DPEP1: variants seen among roughly 807,000 people sequenced by gnomAD.
DPEP1 encodes the protein dipeptidase 1.
Under a neutral mutation model 42.3 loss-of-function variants are expected in DPEP1, and 50 were observed. The observed-to-expected ratio is 1.18, with a 90% CI of 0.94 to 1.50. The LOEUF (loss-of-function observed/expected upper bound fraction) is 1.50. DPEP1 is among the 40% of genes most tolerant of loss of function. The pLI is 0.00. For synonymous variants in DPEP1, 297 were observed against 234.0 expected, an observed-to-expected ratio of 1.27 and a Z score of -2.46; for missense variants, 663 against 553.0, an observed-to-expected ratio of 1.20 and a Z score of -1.99.
rs563347279 is a variant in DPEP1, at chr16:89,638,261, CTCCGG to C, written c.*40_*44del. 6,130 of 1,504,096 alleles carry C rather than the reference CTCCGG, an allele frequency of 4.1e-3. 25 individuals are homozygous for C. The highest frequency in any genetic ancestry group is 4.7e-3 in the Non-Finnish European group (5,248 of 1,128,518). The allele number at this position is 1,504,096 out of a possible 1,614,324, so 93.2% of individuals were successfully genotyped here. On this transcript the variant is annotated 3_prime_UTR_variant, in exon 11 of 11. Coordinates refer to ENST00000690203, the MANE Select transcript of DPEP1 (RefSeq NM_001389466.1). ...AGAGTCCCCTTTAGGGTTCCCGGAG[CTCCGG>C]GAAGACCCGCCCATCCCAGGACTCC...
At chr16:89,627,116 G>GAA (rs200392484) in intron 1 of DPEP1, among the ~76,000 whole-genome samples, 2 of 150,852 alleles carry the variant, frequency 1.3e-5, no homozygotes, top group East Asian at 4.0e-4. Context: ...AGAAAAAAAA[G>GAA]AAAAAAATTA....
intron 2 of DPEP1, among the ~76,000 whole-genome samples, chr16:89,634,083 C>CCTCCT (rs1202231409): frequency 8.8e-6 from 1 of 113,250 alleles, no homozygotes; most frequent in Non-Finnish European, 2.0e-5. Context: ...CTTTTCTCTT[C>CCTCCT]TCTTCTTCTT....
intron 2 of DPEP1, among the ~76,000 whole-genome samples, chr16:89,631,002 C>T (rs1317809305): frequency 3.9e-5 from 6 of 152,112 alleles, no homozygotes; most frequent in African/African-American, 1.4e-4. Context: ...GGCCACACTC[C>T]CTGGTCCCGA....
At chr16:89,633,239 G>C (rs573446230) in intron 2 of DPEP1, among the ~76,000 whole-genome samples, 27 of 152,214 alleles carry the variant, frequency 1.8e-4, no homozygotes, top group Non-Finnish European at 3.4e-4. Context: ...ACTCTGCTCC[G>C]AGGGCTGGGG....
intron 1 of DPEP1, among the ~76,000 whole-genome samples, chr16:89,627,000 A>G (rs1285197869): frequency 4.7e-5 from 7 of 149,656 alleles, no homozygotes; most frequent in Admixed American, 2.7e-4. Context: ...GGTGGCTCAC[A>G]CCTGTAATCC....
chr16:89,628,948 T>G (rs1301190876), intron 1 of DPEP1, among the ~76,000 whole-genome samples: 3 of 152,022 alleles, frequency 2.0e-5, no homozygotes, highest in African/African-American at 7.2e-5. Context: ...TGCCTCAGCC[T>G]CCTGAGTAGC....
chr16:89,613,403 A>T (rs934274741), upstream of DPEP1: 2 of 152,208 alleles, frequency 1.3e-5, no homozygotes, highest in East Asian at 3.9e-4. Flanking sequence ...GCCTTGGGGG[A>T]GGTCAGGACG....
intron 1 of DPEP1, among the ~76,000 whole-genome samples, chr16:89,614,533 G>A (rs527968779): frequency 3.9e-5 from 6 of 152,336 alleles, no homozygotes; most frequent in East Asian, 1.9e-4. Context: ...GGTGGCTCAC[G>A]CCTGTAATCC....
intron 1 of DPEP1, among the ~76,000 whole-genome samples, chr16:89,625,486 A>G (rs1020551903): frequency 1.3e-5 from 2 of 152,228 alleles, no homozygotes; most frequent in African/African-American, 4.8e-5. Context: ...CTGGACAAAC[A>G]TTCAAACTCT....
At chr16:89,632,773 G>C (rs1038440946) in intron 2 of DPEP1, among the ~76,000 whole-genome samples, 1 of 152,132 alleles carries the variant, frequency 6.6e-6, no homozygotes, top group Non-Finnish European at 1.5e-5. Flanking sequence ...AGTGGAGAGG[G>C]CTGGCGGGGC....
At chr16:89,625,455 G>A (rs1471658009) in intron 1 of DPEP1, among the ~76,000 whole-genome samples, 1 of 152,168 alleles carries the variant, frequency 6.6e-6, no homozygotes, top group Non-Finnish European at 1.5e-5. Flanking sequence ...TCCCAACTGG[G>A]ATCCAGTTTC....
At chr16:89,629,220 C>A (rs1019209409) in intron 1 of DPEP1, among the ~76,000 whole-genome samples, 1 of 152,096 alleles carries the variant, frequency 6.6e-6, no homozygotes, top group Non-Finnish European at 1.5e-5. Flanking sequence ...TTATCATGAC[C>A]TGGGCATGGT....
chr16:89,638,404 G>A lies in DPEP1; in HGVS notation c.*182G>A, dbSNP rs2059712626. On this transcript the variant is annotated 3_prime_UTR_variant, in exon 11 of 11. Transcript: ENST00000690203. ...GACAGTTCAGGACACACACACAGTA[G>A]GCCCGCAATAAAAGCAACACCCCTT... The A allele has an allele frequency of 5.2e-6, 7 of 1,358,960 alleles. No individual in the cohort carries two copies. The highest frequency in any genetic ancestry group is 6.6e-6 in the Non-Finnish European group (7 of 1,061,780). 84.2% of individuals were successfully genotyped at this position (1,358,960 alleles called of 1,614,324 possible). A position where few individuals can be genotyped will look rare whatever the true frequency, so the allele number is the denominator to read the frequency against.
intron 1 of DPEP1, among the ~76,000 whole-genome samples, chr16:89,625,054 C>T (rs1179526213): frequency 6.6e-6 from 1 of 152,122 alleles, no homozygotes; most frequent in Admixed American, 6.5e-5. Flanking sequence ...GGGGCTCTTC[C>T]TCAGGGTGTA....
intron 1 of DPEP1, among the ~76,000 whole-genome samples, chr16:89,624,777 C>A (rs1001385586): frequency 6.6e-6 from 1 of 152,134 alleles, no homozygotes; most frequent in Non-Finnish European, 1.5e-5. Context: ...TCAGGTGATA[C>A]ACCCGCCGCA....
Position 89,636,892 on chromosome 16 carries a change from G to A in DPEP1, c.548G>A (p.Gly183Glu). ...PWADNWLVDT[G>E]DSEPQSQGLS... ...GCTGACAACTGGCTGGTGGACACGG[G>A]AGACAGCGAGCCCCAGAGCCAAGGC... Residue 183 changes from glycine to glutamate, a missense_variant, in exon 6 of 11, where the codon GGA becomes GAA. By Grantham distance (98) the Gly-to-Glu change is moderately conservative. Coordinates refer to ENST00000690203, the MANE Select transcript of DPEP1 (RefSeq NM_001389466.1). 1 of 1,612,564 alleles carries A rather than the reference G, an allele frequency of 6.2e-7. No homozygotes were observed. Among genetic ancestry groups the A allele is most frequent in the Non-Finnish European group, 8.5e-7 (1 of 1,179,942 alleles).
chr16:89,621,299 G>A (rs1487645007), intron 1 of DPEP1, among the ~76,000 whole-genome samples: 6 of 151,910 alleles, frequency 3.9e-5, no homozygotes, highest in African/African-American at 7.3e-5. Context: ...GCAACCGTGG[G>A]GGGCCTGGGC....
chr16:89,627,307 G>T (rs1443227414), intron 1 of DPEP1, among the ~76,000 whole-genome samples: 3 of 147,498 alleles, frequency 2.0e-5, no homozygotes, highest in African/African-American at 7.5e-5. Context: ...GTGGGATCAG[G>T]CATGGTGGCT....
chr16:89,615,689 C>G (rs767444502), intron 1 of DPEP1, among the ~76,000 whole-genome samples: 8 of 152,196 alleles, frequency 5.3e-5, no homozygotes, highest in Non-Finnish European at 7.3e-5. Context: ...CAGGACCCCG[C>G]GAGGCCCCGG....
Sources: gnomAD v4.1 joint callset for allele counts (sites outside exome capture counted in the v4.1 genomes callset) on GRCh38, gnomAD v4.1.1 for gene constraint, MANE v1.5 for transcripts, NCBI Gene and HGNC (gene_info 2026-07-23, HGNC 2026-07-21) for gene names.